The following CDH13 variants were observed in gnomAD, a reference collection of about 807,000 sequenced individuals.
CDH13 encodes cadherin 13.
In CDH13, 24 loss-of-function variants were observed where a neutral mutation model predicts 63.8. That is an observed-to-expected ratio of 0.38 (90% CI 0.27 to 0.53). CDH13 has a LOEUF of 0.53. Ranked by LOEUF, CDH13 falls within the 20% of genes least tolerant of loss-of-function variation. The pLI, the probability that CDH13 is intolerant of heterozygous loss-of-function variation, is 0.85. For synonymous variants in CDH13, 503 were observed against 355.3 expected (o/e 1.42, Z -4.67); for missense variants, 1,049 against 903.1 (o/e 1.16, Z -2.07).
intron 6 of CDH13, among the ~76,000 whole-genome samples, chr16:83,443,705 GAAAAAAAAAA>G (rs1167862979): frequency 2.2e-4 from 24 of 107,094 alleles, no homozygotes; most frequent in African/African-American, 9.7e-4. Context: ...AAGTCCCTAC[GAAAAAAAAAA>G]AAAAAAAAAA....
rs369536339 is a variant in CDH13, at chr16:83,068,277, G to A, written c.366+36059G>A. Among the ~76,000 whole-genome samples, 212 of 152,156 alleles carry A rather than the reference G, an allele frequency of 1.4e-3. 2 individuals carry two copies. The highest frequency in any genetic ancestry group is 3.4e-3 in the Middle Eastern group (1 of 294). ...TCACTTAGTGTCTAAAAAACCCTAA[G>A]GTTTTGCCATATAACTTTCATCCCC... On this transcript the variant is annotated intron_variant, in intron 3 of 13. Transcript: ENST00000567109.
intron 4 of CDH13, among the ~76,000 whole-genome samples, chr16:83,213,491 ATAAC>A (rs755339732): frequency 7.2e-5 from 11 of 152,118 alleles, no homozygotes; most frequent in Admixed American, 1.3e-4. Context: ...TCAAGAAAAG[ATAAC>A]TAACAGCCCG....
chr16:83,186,320 G>A (rs1478943545), intron 4 of CDH13, among the ~76,000 whole-genome samples: 2 of 151,800 alleles, frequency 1.3e-5, no homozygotes, highest in African/African-American at 4.8e-5. Context: ...TGTACTTTTA[G>A]TAGAGATGGG....
chr16:83,033,564 T>C (rs1425998524), intron 3 of CDH13, among the ~76,000 whole-genome samples: 2 of 152,210 alleles, frequency 1.3e-5, no homozygotes, highest in Non-Finnish European at 2.9e-5. Flanking sequence ...CTGTATTATA[T>C]GTGTGTGTAA....
intron 5 of CDH13, among the ~76,000 whole-genome samples, chr16:83,275,080 G>A (rs910389757): frequency 8.5e-5 from 13 of 152,120 alleles, no homozygotes; most frequent in African/African-American, 1.9e-4. Context: ...GGCAGGGATC[G>A]TTGGTCACTC....
intron 5 of CDH13, among the ~76,000 whole-genome samples, chr16:83,234,154 AGT>A (rs1254183076): frequency 6.6e-6 from 1 of 152,226 alleles, no homozygotes; most frequent in Non-Finnish European, 1.5e-5. Context: ...GCTCATAGGC[AGT>A]GTGTGGCAAC....
chr16:82,864,409 T>C (rs2040049522), intron 2 of CDH13, among the ~76,000 whole-genome samples: 1 of 152,146 alleles, frequency 6.6e-6, no homozygotes, highest in Non-Finnish European at 1.5e-5. Flanking sequence ...TGACTCACAA[T>C]TCAGCATGGC....
chr16:83,514,103 A>G (rs1465400775), intron 7 of CDH13, among the ~76,000 whole-genome samples: 1 of 152,142 alleles, frequency 6.6e-6, no homozygotes, highest in Non-Finnish European at 1.5e-5. Flanking sequence ...GCCAATGTGT[A>G]TTGTACTTTC....
At chr16:83,240,222 T>G (rs1409080964) in intron 5 of CDH13, among the ~76,000 whole-genome samples, 1 of 152,024 alleles carries the variant, frequency 6.6e-6, no homozygotes, top group African/African-American at 2.4e-5. Context: ...TGGAAGTAGG[T>G]GCAAAGATCC....
chr16:82,721,522 A>G (rs992360142), intron 1 of CDH13, among the ~76,000 whole-genome samples: 3 of 152,174 alleles, frequency 2.0e-5, no homozygotes, highest in Non-Finnish European at 2.9e-5. Flanking sequence ...AGAGTGGAAC[A>G]CTGCTCACGT....
chr16:83,186,638 T>TGTC (rs1264546810), intron 4 of CDH13, among the ~76,000 whole-genome samples: 2 of 152,212 alleles, frequency 1.3e-5, no homozygotes, highest in Admixed American at 1.3e-4. Flanking sequence ...GACTGTAGTA[T>TGTC]GTCGTCAGGG....
chr16:83,715,609 G>A (rs1017534099), intron 10 of CDH13, among the ~76,000 whole-genome samples: 1 of 152,242 alleles, frequency 6.6e-6, no homozygotes, highest in Admixed American at 6.5e-5. Flanking sequence ...AATTAACTCT[G>A]AAGAACGAAT....
intron 6 of CDH13, among the ~76,000 whole-genome samples, chr16:83,417,553 G>A (rs960692158): frequency 2.6e-4 from 39 of 152,116 alleles, no homozygotes; most frequent in African/African-American, 8.9e-4. Context: ...ATTTGGAAAC[G>A]AAAATAGAAT....
intron 5 of CDH13, among the ~76,000 whole-genome samples, chr16:83,258,587 G>T (rs73593971): frequency 6.6e-6 from 1 of 152,208 alleles, no homozygotes; most frequent in Admixed American, 6.5e-5. Context: ...TGTGCACTGC[G>T]GACCATTGGC....
intron 7 of CDH13, among the ~76,000 whole-genome samples, chr16:83,517,691 C>G (rs4514666): frequency 0.57 from 87,116 of 151,990 alleles, 25,612 homozygotes; most frequent in African/African-American, 0.72. Context: ...AACTGGTTGA[C>G]AAGCTTAAAA....
intron 1 of CDH13, among the ~76,000 whole-genome samples, chr16:82,764,155 T>C (rs190664695): frequency 6.6e-6 from 1 of 152,318 alleles, no homozygotes; most frequent in East Asian, 1.9e-4. Context: ...GTTATTTGTA[T>C]TATTATTGCT....
At chr16:83,162,563 A>G (rs543078328) in intron 4 of CDH13, among the ~76,000 whole-genome samples, 235 of 150,886 alleles carry the variant, frequency 1.6e-3, no homozygotes, top group African/African-American at 5.4e-3. Flanking sequence ...AGGTGTTGAA[A>G]GAGCACCCTG....
At chr16:83,701,037 G>A (rs1309205367) in intron 10 of CDH13, among the ~76,000 whole-genome samples, 1 of 152,196 alleles carries the variant, frequency 6.6e-6, no homozygotes, top group Non-Finnish European at 1.5e-5. Context: ...GTATGGCCCT[G>A]AGCTGGGGGA....
chr16:83,355,095 A>AGATATGAT (rs2091027240), intron 6 of CDH13, among the ~76,000 whole-genome samples: 1 of 152,200 alleles, frequency 6.6e-6, no homozygotes, highest in Admixed American at 6.5e-5. Flanking sequence ...GCGAGGAAAT[A>AGATATGAT]GATATGATTT....
Sources: allele counts gnomAD v4.1 joint callset (sites outside exome capture counted in the v4.1 genomes callset), GRCh38; gene constraint gnomAD v4.1.1; transcripts MANE v1.5; gene names NCBI Gene and HGNC (gene_info 2026-07-23, HGNC 2026-07-21).